The following INTU variants were observed in gnomAD, a reference collection of about 807,000 sequenced individuals.
INTU encodes protein inturned.
INTU carries 68 observed loss-of-function variants against 100.5 expected under a neutral mutation model. The ratio of observed to expected loss-of-function variants is 0.68; its 90% CI spans 0.56 to 0.83. The LOEUF (loss-of-function observed/expected upper bound fraction) is 0.83, where lower values mean the gene tolerates loss of function less well. Among genes scored for constraint, INTU ranks in the 40% least tolerant of loss-of-function variants. The probability of loss-of-function intolerance (pLI) is 0.00; values close to 1 mark genes in which losing one functional copy is unlikely to be tolerated. For synonymous variants in INTU, 357 were observed against 395.7 expected (o/e 0.90, Z 1.16); for missense variants, 1,071 against 1,114.7 (o/e 0.96, Z 0.56).
At chr4:127,696,777 G>T (rs551677568) in intron 8 of INTU, among the ~76,000 whole-genome samples, 5 of 151,716 alleles carry the variant, frequency 3.3e-5, no homozygotes, top group South Asian at 2.1e-4. Flanking sequence ...TTGGATTATT[G>T]ATTTTAGATA....
Position 127,691,962 on chromosome 4 carries a change from G to GTGTATATATATATATA in INTU, c.1449+4096_1449+4097insGTATATATATATATAT. Among the ~76,000 whole-genome samples the GTGTATATATATATATA allele has an allele frequency of 2.3e-3, 223 of 98,222 alleles. 17 individuals are homozygous for GTGTATATATATATATA. The highest frequency in any genetic ancestry group is 0.01 in the South Asian group (26 of 2,482). The allele number at this position is 98,222 out of a possible 152,430, so 64.4% of individuals were successfully genotyped here. A position where few individuals can be genotyped will look rare whatever the true frequency, so the allele number is the denominator to read the frequency against. ...GGCGGAGTATAGTGTTCCATGGTAT[G>GTGTATATATATATATA]TATATATATATATATATATGTCACA... On this transcript the variant is annotated intron_variant, in intron 8 of 15. Transcript: ENST00000335251.
rs567098455 is a variant in INTU at position 127,676,380 on chromosome 4, G to A, written c.1181+2167G>A. The stretch of plus-strand genomic sequence containing the variant: ...GCTGGCGGATTGCTTGAGCTCAGGA[G>A]TTCAAGACCAGCCTAGGTAACATGG... On this transcript the variant is annotated intron_variant, in intron 6 of 15. Transcript: ENST00000335251. Among the ~76,000 whole-genome samples the A allele has an allele frequency of 4.4e-4, 67 of 152,138 alleles. No homozygotes were observed. The South Asian group carries it at 0.014, about 31-fold the overall frequency.
chr4:127,641,108 A>G (rs556152257), intron 1 of INTU, among the ~76,000 whole-genome samples: 1 of 151,952 alleles, frequency 6.6e-6, no homozygotes, highest in South Asian at 2.1e-4. Context: ...GTCTTCTACT[A>G]TTGCTTTATT....
intron 14 of INTU, among the ~76,000 whole-genome samples, chr4:127,712,822 T>C (rs1209525656): frequency 6.6e-6 from 1 of 152,206 alleles, no homozygotes; most frequent in East Asian, 1.9e-4. Context: ...GTCTGCCTCC[T>C]GTCAGGTCAG....
intron 2 of INTU, among the ~76,000 whole-genome samples, chr4:127,649,451 C>T (rs547584309): frequency 3.1e-4 from 47 of 152,146 alleles, no homozygotes; most frequent in African/African-American, 9.4e-4. Flanking sequence ...CAACACGATT[C>T]TACATATACA....
At chr4:127,648,667 T>C (rs1727695395) in intron 2 of INTU, among the ~76,000 whole-genome samples, 1 of 152,206 alleles carries the variant, frequency 6.6e-6, no homozygotes, top group African/African-American at 2.4e-5. Flanking sequence ...AACTAATCAT[T>C]AGGATAGTCC....
chr4:127,680,302 A>G (rs1729467756), intron 6 of INTU, among the ~76,000 whole-genome samples: 1 of 151,628 alleles, frequency 6.6e-6, no homozygotes, highest in African/African-American at 2.4e-5. Flanking sequence ...ACACAACCAA[A>G]AAAGAGAATT....
chr4:127,692,260 A>ATTTTTTTTTTTTTTTTTTTTTTTT, intron 8 of INTU, among the ~76,000 whole-genome samples: 1 of 148,382 alleles, frequency 6.7e-6, no homozygotes, highest in Non-Finnish European at 1.5e-5. Context: ...ACCAACATCT[A>ATTTTTTTTTTTTTTTTTTTTTTTT]TTTTTTTTTA....
At chr4:127,711,872 T>C (rs751246775) in intron 14 of INTU, among the ~76,000 whole-genome samples, 3 of 152,218 alleles carry the variant, frequency 2.0e-5, no homozygotes, top group Non-Finnish European at 4.4e-5. Flanking sequence ...TTTGGTTGGT[T>C]GATTGCTTGC....
At chr4:127,640,562 T>C (rs1306301872) in intron 1 of INTU, among the ~76,000 whole-genome samples, 2 of 65,622 alleles carry the variant, frequency 3.0e-5, no homozygotes, top group East Asian at 7.1e-4. Context: ...TATATATATA[T>C]ATATATATAT....
intron 14 of INTU, 101 bp downstream of exon 14, chr4:127,711,203 T>C: frequency 1.1e-6 from 1 of 902,798 alleles, no homozygotes; most frequent in African/African-American, 1.7e-5. Flanking sequence ...TTCATTTCAT[T>C]AAGTTTTTTT....
chr4:127,645,630 G>A (rs1006834824), intron 2 of INTU, among the ~76,000 whole-genome samples: 2 of 151,786 alleles, frequency 1.3e-5, no homozygotes, highest in Non-Finnish European at 2.9e-5. Context: ...GCACCATCTT[G>A]GCTCACTTCA....
intron 4 of INTU, among the ~76,000 whole-genome samples, chr4:127,667,658 A>G (rs1728755187): frequency 6.6e-6 from 1 of 152,078 alleles, no homozygotes; most frequent in Non-Finnish European, 1.5e-5. Flanking sequence ...AAAATTATTT[A>G]TTGGCCAAGA....
At chr4:127,653,170 C>G (rs1039534875) in intron 2 of INTU, among the ~76,000 whole-genome samples, 1 of 144,358 alleles carries the variant, frequency 6.9e-6, no homozygotes, top group African/African-American at 2.6e-5. Context: ...TTCAAAAAAC[C>G]AGCTCCTGGA....
chr4:127,655,301 G>C (rs1178371915), intron 2 of INTU, among the ~76,000 whole-genome samples: 1 of 152,130 alleles, frequency 6.6e-6, no homozygotes, highest in African/African-American at 2.4e-5. Context: ...GAGGTGCTCT[G>C]CGTTTTAGAG....
intron 13 of INTU, among the ~76,000 whole-genome samples, chr4:127,709,215 T>C (rs1009741670): frequency 6.6e-6 from 1 of 152,160 alleles, no homozygotes; most frequent in African/African-American, 2.4e-5. Flanking sequence ...TTGCCTAAAT[T>C]GAAGACAACT....
intron 6 of INTU, among the ~76,000 whole-genome samples, chr4:127,682,153 G>T (rs1428886703): frequency 6.6e-6 from 1 of 152,086 alleles, no homozygotes; most frequent in Non-Finnish European, 1.5e-5. Context: ...TACACTGTTG[G>T]TGGGACTGTA....
At position 127,714,063 on chromosome 4, in the gene INTU, C is replaced by T. The variant is rs1221902815; in HGVS notation, c.2687C>T (p.Ala896Val). 6.2e-7 allele frequency: 1 copy of T among 1,613,182 alleles called. No individual in the cohort carries two copies. Among genetic ancestry groups the T allele is most frequent in the South Asian group, 1.1e-5 (1 of 90,898 alleles). The change falls in exon 15 of 16, where the codon GCA (alanine) becomes GTA (valine). Residue 896 changes from alanine (A) to valine (V), a missense_variant. Ala to Val is a moderately conservative substitution (Grantham distance 64, BLOSUM62 0). Coordinates refer to ENST00000335251, the MANE Select transcript of INTU (RefSeq NM_015693.4). ...GGAAACTGGACTGATCAGAAAAAAG[C>T]ACCACCAGTTATGGCTTACTGGGTA... ...SPGNWTDQKK[A>V]PPVMAYWVVG...
At position 127,714,053 on chromosome 4, in the gene INTU, C is replaced by A; in HGVS notation, c.2677C>A (p.Gln893Lys). ...FECSPGNWTD[Q>K]KKAPPVMAYW... ...ATGTTCACCTGGAAACTGGACTGAT[C>A]AGAAAAAAGCACCACCAGTTATGGC... The change falls in exon 15 of 16, where the codon CAG becomes AAG. Residue 893 changes from glutamine to lysine, a missense_variant. Transcript: ENST00000335251. 1 of 1,612,940 alleles carries A rather than the reference C, an allele frequency of 6.2e-7. No homozygotes were observed. Among genetic ancestry groups the A allele is most frequent in the Non-Finnish European group, 8.5e-7 (1 of 1,179,634 alleles).
Sources: gnomAD v4.1 joint callset for allele counts (sites outside exome capture counted in the v4.1 genomes callset) on GRCh38, gnomAD v4.1.1 for gene constraint, MANE v1.5 for transcripts, NCBI Gene and HGNC (gene_info 2026-07-23, HGNC 2026-07-21) for gene names.